Variants in PITPNC1 observed in about 807,000 individuals in gnomAD.
PITPNC1 encodes cytoplasmic phosphatidylinositol transfer protein 1.
A neutral mutation model predicts 44.7 loss-of-function variants in PITPNC1; 18 were observed. The ratio of observed to expected loss-of-function variants is 0.40; its 90% CI spans 0.28 to 0.60. The LOEUF (loss-of-function observed/expected upper bound fraction) is 0.60. Among genes scored for constraint, PITPNC1 ranks in the 20% least tolerant of loss-of-function variants. The pLI is 0.39. For synonymous variants in PITPNC1, 141 were observed against 149.6 expected, an observed-to-expected ratio of 0.94 and a Z score of 0.42; for missense variants, 290 against 418.4, an observed-to-expected ratio of 0.69 and a Z score of 2.68.
intron 1 of PITPNC1, among the ~76,000 whole-genome samples, chr17:67,521,774 G>C (rs540588245): frequency 6.6e-6 from 1 of 152,250 alleles, no homozygotes; most frequent in Admixed American, 6.5e-5. Context: ...GTTACTCTCG[G>C]GCAGAACTTC....
chr17:67,417,282 C>T (rs528426186), intron 1 of PITPNC1, among the ~76,000 whole-genome samples: 49 of 152,194 alleles, frequency 3.2e-4, no homozygotes, highest in Admixed American at 2.7e-3. Context: ...GACATGCCAC[C>T]ATGCTTGGCT....
intron 6 of PITPNC1, among the ~76,000 whole-genome samples, chr17:67,657,932 G>T (rs1227535693): frequency 6.6e-6 from 1 of 152,218 alleles, no homozygotes; most frequent in African/African-American, 2.4e-5. Context: ...TGAAGAATAT[G>T]AATCTGAAAT....
intron 1 of PITPNC1, among the ~76,000 whole-genome samples, chr17:67,480,988 C>T (rs2039693753): frequency 1.3e-5 from 2 of 152,200 alleles, no homozygotes; most frequent in Non-Finnish European, 1.5e-5. Flanking sequence ...GGGCGGAGCA[C>T]CTGACATCAG....
chr17:67,466,558 C>T (rs1254255292), intron 1 of PITPNC1, among the ~76,000 whole-genome samples: 1 of 152,202 alleles, frequency 6.6e-6, no homozygotes, highest in African/African-American at 2.4e-5. Context: ...TTTTCTAACT[C>T]ATCCCTTTTA....
intron 4 of PITPNC1, among the ~76,000 whole-genome samples, chr17:67,563,043 A>G (rs1191516336): frequency 6.6e-6 from 1 of 152,214 alleles, no homozygotes; most frequent in East Asian, 1.9e-4. Flanking sequence ...CTGGAAGATA[A>G]TAAGCCCTAA....
intron 1 of PITPNC1, among the ~76,000 whole-genome samples, chr17:67,381,878 C>T (rs2037965499): frequency 6.6e-6 from 1 of 152,162 alleles, no homozygotes; most frequent in Non-Finnish European, 1.5e-5. Context: ...TTGTGCCTGG[C>T]CTTATCCCTT....
intron 6 of PITPNC1, among the ~76,000 whole-genome samples, chr17:67,642,164 G>T (rs1054777028): frequency 6.6e-6 from 1 of 152,184 alleles, no homozygotes; most frequent in African/African-American, 2.4e-5. Context: ...ATGGTCAAGG[G>T]TCAGTGAGGC....
chr17:67,575,281 GT>G (rs1188484911), intron 4 of PITPNC1, among the ~76,000 whole-genome samples: 8 of 152,092 alleles, frequency 5.3e-5, no homozygotes, highest in African/African-American at 9.7e-5. Flanking sequence ...GTCCTCCAGC[GT>G]CTTCATTTGA....
At chr17:67,595,209 C>T (rs1031736992) in intron 5 of PITPNC1, among the ~76,000 whole-genome samples, 1 of 152,184 alleles carries the variant, frequency 6.6e-6, no homozygotes, top group African/African-American at 2.4e-5. Flanking sequence ...AAAGTCAAGT[C>T]ATTGAATAAT....
At chr17:67,636,281 CAAA>C (rs4020398) in intron 6 of PITPNC1, among the ~76,000 whole-genome samples, 3,370 of 77,354 alleles carry the variant, frequency 0.044, 140 homozygotes, top group African/African-American at 0.13. Flanking sequence ...GACTCCGTTT[CAAA>C]AAAAAAAAAA....
intron 6 of PITPNC1, among the ~76,000 whole-genome samples, chr17:67,644,634 C>T (rs56212524): frequency 0.053 from 8,049 of 151,932 alleles, 327 homozygotes; most frequent in East Asian, 0.22. Context: ...AGGGTTTCAC[C>T]ACGTTGGTCA....
rs978367639 is a variant in PITPNC1 at position 67,693,942 on chromosome 17, T to C, written c.*1054T>C. The C allele has an allele frequency of 6.6e-6, 1 of 152,230 alleles. No homozygotes were observed. The highest frequency in any genetic ancestry group is 1.9e-4 in the East Asian group (1 of 5,200). 9.4% of individuals were successfully genotyped at this position (152,230 alleles called of 1,614,324 possible). ...CAGACCTTAGAAAAGACTGTCATTC[T>C]CTTGCTCCTTACTTGAAATACAAAT... is the stretch of plus-strand genomic sequence containing the variant. On this transcript the variant is annotated 3_prime_UTR_variant, in exon 9 of 9. Transcript: ENST00000581322.
In PITPNC1 at chr17:67,553,646, T is replaced by G. The variant is rs2040796800; in HGVS notation, c.294+29T>G. On this transcript the variant is annotated intron_variant, in intron 4 of 8. Coordinates refer to ENST00000581322, the MANE Select transcript of PITPNC1 (RefSeq NM_012417.4). ...AGTTCCATTTAATTATTTTTAAACA[T>G]TCTGTCTATGATCAGTGGAGTAATT... The G allele has an allele frequency of 2.9e-6, 3 of 1,043,290 alleles. No homozygotes were observed. The Middle Eastern group carries it at 6.0e-4, about 210-fold the overall frequency. The allele number at this position is 1,043,290 out of a possible 1,614,324, so 64.6% of individuals were successfully genotyped here.
At chr17:67,511,140 G>A (rs559432270) in intron 1 of PITPNC1, among the ~76,000 whole-genome samples, 1 of 151,916 alleles carries the variant, frequency 6.6e-6, no homozygotes, top group Admixed American at 6.6e-5. Context: ...ACATAATTAT[G>A]CAACTGGGGC....
intron 1 of PITPNC1, among the ~76,000 whole-genome samples, chr17:67,462,568 G>A (rs1027972696): frequency 2.6e-5 from 4 of 151,602 alleles, no homozygotes; most frequent in Non-Finnish European, 5.9e-5. Flanking sequence ...CCTAAGACAT[G>A]GTTATCTAGA....
At chr17:67,486,601 T>C (rs936690944) in intron 1 of PITPNC1, among the ~76,000 whole-genome samples, 22 of 152,286 alleles carry the variant, frequency 1.4e-4, no homozygotes, top group African/African-American at 5.3e-4. Flanking sequence ...GTGATAGTTA[T>C]AAGCAAAGAG....
intron 8 of PITPNC1, among the ~76,000 whole-genome samples, chr17:67,686,476 G>A (rs1156270460): frequency 1.3e-5 from 2 of 151,990 alleles, no homozygotes; most frequent in African/African-American, 4.8e-5. Flanking sequence ...TGTTAGCCAA[G>A]ACTTGAGGTT....
chr17:67,555,593 G>A (rs1053547648), intron 4 of PITPNC1, among the ~76,000 whole-genome samples: 7 of 151,218 alleles, frequency 4.6e-5, no homozygotes, highest in South Asian at 2.1e-4. Context: ...TTGGGAGGCC[G>A]AGGCAGGTGG....
intron 1 of PITPNC1, among the ~76,000 whole-genome samples, chr17:67,419,435 G>A (rs527804644): frequency 2.0e-5 from 3 of 152,218 alleles, no homozygotes; most frequent in East Asian, 1.9e-4. Context: ...ATCCTTCTCC[G>A]TCATTGCTTC....
Sources: gnomAD v4.1 joint callset for allele counts (sites outside exome capture counted in the v4.1 genomes callset) on GRCh38, gnomAD v4.1.1 for gene constraint, MANE v1.5 for transcripts, NCBI Gene and HGNC (gene_info 2026-07-23, HGNC 2026-07-21) for gene names.